Variants in DHPS observed in about 807,000 individuals in gnomAD.
The protein encoded by DHPS is deoxyhypusine synthase.
A neutral mutation model predicts 38.7 loss-of-function variants in DHPS; 24 were observed. That is an observed-to-expected ratio of 0.62 (90% confidence interval 0.45 to 0.87). DHPS has a LOEUF of 0.87. Among genes scored for constraint, DHPS ranks in the 40% least tolerant of loss-of-function variants. The probability of loss-of-function intolerance (pLI) is 0.00; values close to 1 mark genes in which losing one functional copy is unlikely to be tolerated. For missense variants in DHPS, 510 were observed against 497.6 expected, an observed-to-expected ratio of 1.02 and a Z score of -0.24; for synonymous variants, 250 against 204.4, an observed-to-expected ratio of 1.22 and a Z score of -1.90.
In DHPS at chr19:12,680,337, G is replaced by C; in HGVS notation, c.208-12C>G. On this transcript the variant is annotated splice_polypyrimidine_tract_variant and intron_variant, in intron 1 of 8. Transcript: ENST00000210060. ...AGCTTCTTCTCGATCTGTGAGTAAGGGCCAAGTCAAGTTAAGCACTGGCCT... is the reference window on the plus strand; with the variant it reads ...AGCTTCTTCTCGATCTGTGAGTAAGCGCCAAGTCAAGTTAAGCACTGGCCT... 2 of 1,613,918 alleles carry C rather than the reference G, an allele frequency of 1.2e-6. No individual in the cohort carries two copies. Among genetic ancestry groups the C allele is most frequent in the Non-Finnish European group, 1.7e-6 (2 of 1,179,882 alleles).
At chr19:12,672,730 T>A, downstream of DHPS, 1 of 1,097,176 alleles carries the variant, frequency 9.1e-7, no homozygotes, top group Admixed American at 2.0e-5. Flanking sequence ...GGCCAGAGCT[T>A]CAGAATTCCA....
rs767529089 is a variant in DHPS at position 12,681,525 on chromosome 19, C to T, written c.207+35G>A. On this transcript the variant is annotated intron_variant, in intron 1 of 8. Coordinates refer to ENST00000210060, the MANE Select transcript of DHPS (RefSeq NM_001930.4). Reference sequence around the variant, plus strand: ...CCGCGTTGGTTCTACAAGCCACGCCCCTCCGCGTCCCTAGAAATTCCGCCC... The same window carrying T: ...CCGCGTTGGTTCTACAAGCCACGCCTCTCCGCGTCCCTAGAAATTCCGCCC... 5 of 1,612,560 alleles carry T rather than the reference C, an allele frequency of 3.1e-6. No individual in the cohort carries two copies. In the East Asian group the frequency reaches 1.1e-4, roughly 36 times the overall value.
In DHPS at chr19:12,681,771, C is replaced by G. The variant is rs773970768; in HGVS notation, c.-5G>C. On this transcript the variant is annotated 5_prime_UTR_variant, in exon 1 of 9. Coordinates refer to ENST00000210060, the MANE Select transcript of DHPS (RefSeq NM_001930.4). Reference sequence around the variant, plus strand: ...CCGTTCCAGGGAACCTTCCATGCGCCTATAGCCGGCTCTCGAGTCAAAGCT... The same window carrying G: ...CCGTTCCAGGGAACCTTCCATGCGCGTATAGCCGGCTCTCGAGTCAAAGCT... 37 of 1,605,060 alleles carry G rather than the reference C, an allele frequency of 2.3e-5. No homozygotes were observed. Among genetic ancestry groups the G allele is most frequent in the Non-Finnish European group, 3.1e-5 (36 of 1,179,222 alleles).
rs749788690 is a variant in DHPS, at chr19:12,679,724, G to A, written c.495-5C>T. The A allele has an allele frequency of 2.5e-6, 4 of 1,614,054 alleles. No homozygotes were observed. Among genetic ancestry groups the A allele is most frequent in the African/African-American group, 2.7e-5 (2 of 74,936 alleles). ...GGCACCAGCAGGTTTCCGATCCTGA[G>A]AACAGGAGGCATGTAGGCATCAGGC... On this transcript the variant is annotated splice_region_variant and splice_polypyrimidine_tract_variant and intron_variant, in intron 3 of 8. Coordinates refer to ENST00000210060, the MANE Select transcript of DHPS (RefSeq NM_001930.4).
In DHPS at chr19:12,677,414, G is replaced by C; in HGVS notation, c.679-18C>G. 6.2e-7 allele frequency: 1 copy of C among 1,607,060 alleles called. No individual in the cohort carries two copies. Among genetic ancestry groups the C allele is most frequent in the South Asian group, 1.1e-5 (1 of 90,464 alleles). ...ATGTGGTTCTGCAGAGAACATGACAGGACAGTGGCTGGAGCTCAGAGCCTC... is the reference window on the plus strand; with the variant it reads ...ATGTGGTTCTGCAGAGAACATGACACGACAGTGGCTGGAGCTCAGAGCCTC... On this transcript the variant is annotated intron_variant, in intron 5 of 8. Coordinates refer to ENST00000210060, the MANE Select transcript of DHPS (RefSeq NM_001930.4).
intron 7 of DHPS, 159 bp from the exon 8 acceptor site, chr19:12,676,301 G>C: frequency 1.1e-6 from 1 of 943,180 alleles, no homozygotes; most frequent in East Asian, 2.8e-5. Context: ...CAATGTCTGG[G>C]GTCACTAGAG....
downstream of DHPS, chr19:12,675,566 A>T: frequency 2.5e-6 from 4 of 1,606,290 alleles, no homozygotes; most frequent in Non-Finnish European, 3.4e-6. Flanking sequence ...GGTGTGGTGC[A>T]GTCGCTGGCC....
intron 1 of DHPS, chr19:12,681,198 A>G (rs2024798539): frequency 8.2e-7 from 1 of 1,225,252 alleles, no homozygotes; most frequent in Non-Finnish European, 1.0e-6. Context: ...CGCTGGGAAA[A>G]GCAAATCTAA....
intron 1 of DHPS, chr19:12,681,017 A>T: frequency 1.5e-6 from 1 of 668,132 alleles, no homozygotes; most frequent in Non-Finnish European, 2.1e-6. Context: ...GCATTTTAGT[A>T]GAGACAGGGT....
chr19:12,678,194 G>A (rs1040882792), intron 5 of DHPS, among the ~76,000 whole-genome samples: 1 of 151,088 alleles, frequency 6.6e-6, no homozygotes, highest in Non-Finnish European at 1.5e-5. Flanking sequence ...GGAGGTAGAG[G>A]TTGCTGTGAG....
At chr19:12,675,622 G>A (rs143070723), downstream of DHPS, 91 of 1,603,330 alleles carry the variant, frequency 5.7e-5, no homozygotes, top group South Asian at 2.4e-4. Flanking sequence ...GGGAGGCAGC[G>A]TCCAGTGCTG....
intron 7 of DHPS, 151 bp from the exon 8 acceptor site, chr19:12,676,293 ATGTC>A: frequency 2.0e-6 from 2 of 1,005,076 alleles, no homozygotes; most frequent in South Asian, 3.5e-5. Context: ...GCCCATGTCA[ATGTC>A]TGGGGTCACT....
At chr19:12,675,039 G>A (rs557015312), downstream of DHPS, among the ~76,000 whole-genome samples, 1 of 152,054 alleles carries the variant, frequency 6.6e-6, no homozygotes, top group East Asian at 1.9e-4. Context: ...GCTTGAACTA[G>A]GGAGTCGGAG....
chr19:12,672,571 G>A (rs1283253144), downstream of DHPS: 2 of 464,448 alleles, frequency 4.3e-6, no homozygotes, highest in Non-Finnish European at 4.0e-6. Context: ...TCATGCCATT[G>A]CACTCCAGCC....
At position 12,679,804 on chromosome 19, in the gene DHPS, T is replaced by C. The variant is rs949629816; in HGVS notation, c.491A>G (p.Asn164Ser). The C allele has an allele frequency of 3.7e-6, 6 of 1,614,118 alleles. No homozygotes were observed. The highest frequency in any genetic ancestry group is 1.6e-4 in the Middle Eastern group (1 of 6,062). The change falls in exon 3 of 9, where the codon AAT becomes AGT. Residue 164 changes from asparagine (N) to serine (S), a missense_variant. Asn to Ser is a conservative substitution (Grantham distance 46, BLOSUM62 1). Transcript: ENST00000210060. ...RGKELRENGI[N>S]RIGNLLVPNE... ...CAACACCACTCAGGGTTCTCACCTATTGATCCCGTTCTCCCGGAGCTCCTT... is the reference window on the plus strand; with the variant it reads ...CAACACCACTCAGGGTTCTCACCTACTGATCCCGTTCTCCCGGAGCTCCTT...
At chr19:12,675,532 G>C, downstream of DHPS, 1 of 1,604,856 alleles carries the variant, frequency 6.2e-7, no homozygotes, top group South Asian at 1.1e-5. Flanking sequence ...GGGTGCGCTG[G>C]CTCTGGCCCT....
chr19:12,674,447 C>CG (rs200476950), downstream of DHPS, among the ~76,000 whole-genome samples: 5,962 of 152,084 alleles, frequency 0.039, 139 homozygotes, highest in Non-Finnish European at 0.045. Context: ...TGGAGGGAAC[C>CG]GGGGGGGCCC....
At chr19:12,672,916 T>G (rs1258937223), downstream of DHPS, 2 of 1,599,326 alleles carry the variant, frequency 1.3e-6, no homozygotes, top group Middle Eastern at 1.7e-4. Context: ...ACGTGGGCAG[T>G]GAGTGTGGCT....
At chr19:12,681,106 A>G (rs1011286834) in intron 1 of DHPS, 8 of 1,276,210 alleles carry the variant, frequency 6.3e-6, no homozygotes, top group Non-Finnish European at 7.1e-6. Flanking sequence ...TGCTGGGATT[A>G]TAGGCATGCG....
Sources: allele counts gnomAD v4.1 joint callset (sites outside exome capture counted in the v4.1 genomes callset), GRCh38; gene constraint gnomAD v4.1.1; transcripts MANE v1.5; gene names NCBI Gene and HGNC (gene_info 2026-07-23, HGNC 2026-07-21).